The following WIPF2 variants were observed in gnomAD, a reference collection of about 807,000 sequenced individuals.
WIPF2 encodes WAS/WASL interacting protein family member 2, also known as WAS/WASL-interacting protein family member 2.
In WIPF2, 23 loss-of-function variants were observed where a neutral mutation model predicts 38.8. The ratio of observed to expected loss-of-function variants is 0.59; its 90% CI spans 0.43 to 0.84. The LOEUF (loss-of-function observed/expected upper bound fraction) is 0.84, where lower values mean the gene tolerates loss of function less well. Among genes scored for constraint, WIPF2 ranks in the 40% least tolerant of loss-of-function variants. The probability of loss-of-function intolerance (pLI) is 0.00; values close to 1 mark genes in which losing one functional copy is unlikely to be tolerated. For synonymous variants in WIPF2, 210 were observed against 223.2 expected (o/e 0.94, Z 0.53); for missense variants, 574 against 580.5 (o/e 0.99, Z 0.11).
intron 5 of WIPF2, among the ~76,000 whole-genome samples, chr17:40,266,811 G>A (rs1310266461): frequency 6.6e-6 from 1 of 152,130 alleles, no homozygotes; most frequent in East Asian, 1.9e-4. Context: ...GGAGGCCAGA[G>A]AAAAGAGAAT....
chr17:40,238,350 C>T (rs899781961), intron 1 of WIPF2, among the ~76,000 whole-genome samples: 2 of 152,126 alleles, frequency 1.3e-5, no homozygotes, highest in African/African-American at 4.8e-5. Context: ...GTTGCCCAGG[C>T]TGGAGTACAA....
chr17:40,228,514 AT>A (rs1275821417), intron 1 of WIPF2, among the ~76,000 whole-genome samples: 1 of 151,724 alleles, frequency 6.6e-6, no homozygotes, highest in African/African-American at 2.4e-5. Flanking sequence ...GCTGAAGCTG[AT>A]TTTTTTTGAT....
chr17:40,220,778 T>C (rs2030199444), intron 1 of WIPF2, among the ~76,000 whole-genome samples: 1 of 104,180 alleles, frequency 9.6e-6, no homozygotes, highest in South Asian at 2.8e-4. Flanking sequence ...CAGAATTCGT[T>C]TTTTTTTTTT....
chr17:40,224,229 T>G (rs1277477477), intron 1 of WIPF2, among the ~76,000 whole-genome samples: 3 of 145,664 alleles, frequency 2.1e-5, no homozygotes, highest in African/African-American at 7.7e-5. Flanking sequence ...TTCTTTTCTT[T>G]TCTTTTTTTT....
chr17:40,254,949 C>G (rs1299360049), intron 1 of WIPF2, among the ~76,000 whole-genome samples: 1 of 151,912 alleles, frequency 6.6e-6, no homozygotes, highest in Non-Finnish European at 1.5e-5. Context: ...AGGCTGGTCT[C>G]GAACTCCTGA....
intron 1 of WIPF2, among the ~76,000 whole-genome samples, chr17:40,230,841 C>T (rs117577021): frequency 0.015 from 2,353 of 152,100 alleles, 30 homozygotes; most frequent in Non-Finnish European, 0.023. Context: ...TATTTTGAAC[C>T]GATGAATATA....
At chr17:40,227,229 C>T (rs184403558) in intron 1 of WIPF2, among the ~76,000 whole-genome samples, 53 of 149,266 alleles carry the variant, frequency 3.6e-4, no homozygotes, top group African/African-American at 1.1e-3. Context: ...TTAGTAGAGA[C>T]GGGGTTTCAC....
chr17:40,224,216 T>C (rs1439401231), intron 1 of WIPF2, among the ~76,000 whole-genome samples: 1 of 149,780 alleles, frequency 6.7e-6, no homozygotes, highest in East Asian at 2.0e-4. Context: ...GCTTATTTTT[T>C]TTTTCTTTTC....
At position 40,264,979 on chromosome 17, in the gene WIPF2, C is replaced by T. The variant is rs1598494205; in HGVS notation, c.803C>T (p.Pro268Leu). 1.9e-6 allele frequency: 3 copies of T among 1,614,166 alleles called. No individual in the cohort carries two copies. The highest frequency in any genetic ancestry group is 1.7e-6 in the Non-Finnish European group (2 of 1,180,024). ...GGGGTCCCCAATGGACCCTCTAGCC[C>T]CACTAATGAGTCAGCCCCTGAGCTG... is the stretch of plus-strand genomic sequence containing the variant. ...PPGVPNGPSS[P>L]TNESAPELPQ... is the part of the protein sequence containing the mutation. Residue 268 changes from proline (P) to leucine (L), a missense_variant, in exon 5 of 8, where the codon CCC becomes CTC. Transcript: ENST00000323571.
At position 40,256,496 on chromosome 17, in the gene WIPF2, C is replaced by G; in HGVS notation, c.37C>G (p.Pro13Ala). 6.2e-7 allele frequency: 1 copy of G among 1,601,610 alleles called. No individual in the cohort carries two copies. The highest frequency in any genetic ancestry group is 8.5e-7 in the Non-Finnish European group (1 of 1,173,046). Residue 13 changes from proline to alanine, a missense_variant, in exon 2 of 8, where the codon CCT (proline) becomes GCT (alanine). Physicochemically the swap from Pro to Ala is conservative, Grantham distance 27 (BLOSUM62 -1). Transcript: ENST00000323571. ...TCCTCCCCCGCCACCCCCACCTGGTCCTCCTCCACCTCCCACATTTCATCA... is the reference window on the plus strand; with the variant it reads ...TCCTCCCCCGCCACCCCCACCTGGTGCTCCTCCACCTCCCACATTTCATCA... ...IPPPPPPPPG[P>A]PPPPTFHQAN...
At chr17:40,273,065 T>G (rs943350904) in intron 5 of WIPF2, among the ~76,000 whole-genome samples, 1 of 152,146 alleles carries the variant, frequency 6.6e-6, no homozygotes, top group Admixed American at 6.5e-5. Context: ...ATGGAGTCTC[T>G]CTCTGTTGCC....
chr17:40,241,929 C>A (rs1378406683), intron 1 of WIPF2, among the ~76,000 whole-genome samples: 1 of 152,084 alleles, frequency 6.6e-6, no homozygotes, highest in Non-Finnish European at 1.5e-5. Context: ...GGTTAAGAGC[C>A]AAATAGTACT....
At chr17:40,260,417 CT>C in intron 2 of WIPF2, 117 bp from the exon 3 acceptor site, 2 of 1,252,654 alleles carry the variant, frequency 1.6e-6, no homozygotes, top group Non-Finnish European at 2.2e-6. Flanking sequence ...GAACTCCTGA[CT>C]TCAAGTGATC....
chr17:40,240,404 C>T (rs1256315936), intron 1 of WIPF2, among the ~76,000 whole-genome samples: 1 of 152,084 alleles, frequency 6.6e-6, no homozygotes, highest in African/African-American at 2.4e-5. Flanking sequence ...CCCTTCTACA[C>T]TATCACCCCA....
At position 40,262,853 on chromosome 17, in the gene WIPF2, A is replaced by G. The variant is rs145554084; in HGVS notation, c.313+212A>G. Among the ~76,000 whole-genome samples, 408 of 152,350 alleles carry G rather than the reference A, an allele frequency of 2.7e-3. 2 individuals are homozygous for G. Among genetic ancestry groups the G allele is most frequent in the African/African-American group, 9.4e-3 (389 of 41,592 alleles). ...AAAGAAAATGTGGCATATATACCCT[A>G]GAATACTATTCAGCCTTAGGCAAGA... On this transcript the variant is annotated intron_variant, in intron 4 of 7. Transcript: ENST00000323571.
Position 40,265,243 on chromosome 17 carries a change from CAG to C in WIPF2, c.970+98_970+99del, listed in dbSNP as rs1379167561. On this transcript the variant is annotated intron_variant, in intron 5 of 7. Coordinates refer to ENST00000323571, the MANE Select transcript of WIPF2 (RefSeq NM_133264.5). ...GAAGACAGTAATTCGTTTATTCACTCAGTGGGTTTATTGAGTACCTTTTTATG... is the reference window on the plus strand; with the variant it reads ...GAAGACAGTAATTCGTTTATTCACTCTGGGTTTATTGAGTACCTTTTTATG... The C allele has an allele frequency of 1.1e-5, 16 of 1,419,314 alleles. No individual in the cohort carries two copies. The East Asian group carries it at 3.5e-4, about 31-fold the overall frequency. 87.9% of individuals were successfully genotyped at this position (1,419,314 alleles called of 1,614,324 possible).
intron 1 of WIPF2, among the ~76,000 whole-genome samples, chr17:40,240,191 C>T (rs2031138598): frequency 6.6e-6 from 1 of 151,842 alleles, no homozygotes; most frequent in Non-Finnish European, 1.5e-5. Flanking sequence ...CCTCCCAAGT[C>T]GCTGGCAACT....
intron 6 of WIPF2, among the ~76,000 whole-genome samples, chr17:40,275,287 A>T (rs966773587): frequency 1.3e-5 from 2 of 151,736 alleles, no homozygotes; most frequent in African/African-American, 2.4e-5. Context: ...TACACACATT[A>T]ATCCAAAGCC....
intron 5 of WIPF2, among the ~76,000 whole-genome samples, chr17:40,268,563 C>T (rs1053513958): frequency 6.6e-6 from 1 of 152,030 alleles, no homozygotes; most frequent in Non-Finnish European, 1.5e-5. Flanking sequence ...GCTAGGACTA[C>T]AGGAGTGTTG....
Sources: allele counts gnomAD v4.1 joint callset (sites outside exome capture counted in the v4.1 genomes callset), GRCh38; gene constraint gnomAD v4.1.1; transcripts MANE v1.5; gene names NCBI Gene and HGNC (gene_info 2026-07-23, HGNC 2026-07-21).